RSPO1: variants seen among roughly 807,000 people sequenced by gnomAD.
RSPO1 encodes the protein R-spondin-1.
Under a neutral mutation model 26.0 loss-of-function variants are expected in RSPO1, and 18 were observed. That is an observed-to-expected ratio of 0.69 (90% CI 0.48 to 1.03). The LOEUF (loss-of-function observed/expected upper bound fraction) is 1.03. Among genes scored for constraint, RSPO1 ranks in the 50% least tolerant of loss-of-function variants. The pLI is 0.00. For missense variants in RSPO1, 309 were observed against 352.3 expected (o/e 0.88, Z 0.98); for synonymous variants, 133 against 137.4 (o/e 0.97, Z 0.22).
chr1:37,617,631 C>T (rs1454861102), intron 3 of RSPO1, among the ~76,000 whole-genome samples: 1 of 128,624 alleles, frequency 7.8e-6, no homozygotes, highest in Non-Finnish European at 1.5e-5. Flanking sequence ...CATTGCACTC[C>T]AGCCCGGATG....
Position 37,612,636 on chromosome 1 carries a change from A to G in RSPO1, c.*119T>C, listed in dbSNP as rs781013971. ...GTGTGTGTCTTGTGTCTATGTATGCATGGATGGATTGGAGTGTGTGTGTAT... is the reference window on the plus strand; with the variant it reads ...GTGTGTGTCTTGTGTCTATGTATGCGTGGATGGATTGGAGTGTGTGTGTAT... On this transcript the variant is annotated 3_prime_UTR_variant, in exon 7 of 7. Transcript: ENST00000356545. 1.9e-6 allele frequency: 2 copies of G among 1,044,344 alleles called. No individual in the cohort carries two copies. Among genetic ancestry groups the G allele is most frequent in the Non-Finnish European group, 2.9e-6 (2 of 679,404 alleles). 64.7% of individuals were successfully genotyped at this position (1,044,344 alleles called of 1,614,324 possible).
At chr1:37,614,363 G>A in intron 4 of RSPO1, 30 bp from the exon 5 acceptor site, 1 of 1,612,626 alleles carries the variant, frequency 6.2e-7, no homozygotes, top group Non-Finnish European at 8.5e-7. Context: ...GGGGCTTCTG[G>A]CCCAGCCTGG....
chr1:37,627,203 C>T (rs988547963), intron 3 of RSPO1, among the ~76,000 whole-genome samples: 3 of 152,094 alleles, frequency 2.0e-5, no homozygotes, highest in Admixed American at 6.5e-5. Context: ...AGCACACCTA[C>T]CCCTGCCCCG....
At position 37,611,391 on chromosome 1, in the gene RSPO1, T is replaced by G. The variant is rs1644023279; in HGVS notation, c.*1364A>C. On this transcript the variant is annotated 3_prime_UTR_variant, in exon 7 of 7. Transcript: ENST00000356545. The stretch of plus-strand genomic sequence containing the variant: ...TTATTTTTATTCTGCTTTATTCACT[T>G]TCATAGCTAAGCATAGATGCCAGTG... 1 of 152,212 alleles carries G rather than the reference T, an allele frequency of 6.6e-6. No individual in the cohort carries two copies. The allele number at this position is 152,212 out of a possible 1,614,324, so 9.4% of individuals were successfully genotyped here.
rs1180277839 is a variant in RSPO1, at chr1:37,612,785, C to T, written c.762G>A (p.Val254=). Residue 254 remains valine (V), a synonymous_variant, in exon 7 of 7, where the codon GTG becomes GTA. Transcript: ENST00000356545. ...GQQQQQQQGT[V]GPLTSAGPA is the part of the protein sequence containing the mutation. ...CAGGCCCTGCAGATGTGAGTGGCCC[C>T]ACTGTCCCTTGCTGCTGCTGCTGTT... The T allele has an allele frequency of 1.2e-6, 2 of 1,612,338 alleles. No individual in the cohort carries two copies. The highest frequency in any genetic ancestry group is 1.3e-5 in the African/African-American group (1 of 74,912).
chr1:37,623,196 A>C (rs1046728196), intron 3 of RSPO1, among the ~76,000 whole-genome samples: 6 of 140,402 alleles, frequency 4.3e-5, no homozygotes, highest in African/African-American at 1.6e-4. Flanking sequence ...CAGGAAGCAC[A>C]GGATGTTCTC....
chr1:37,616,048 G>C (rs1483663481), intron 4 of RSPO1, among the ~76,000 whole-genome samples: 1 of 152,212 alleles, frequency 6.6e-6, no homozygotes, highest in African/African-American at 2.4e-5. Flanking sequence ...CTGAAGTGCA[G>C]AAGATGGGTT....
chr1:37,626,710 G>A (rs1227859484), intron 3 of RSPO1, among the ~76,000 whole-genome samples: 1 of 152,126 alleles, frequency 6.6e-6, no homozygotes, highest in Non-Finnish European at 1.5e-5. Context: ...GGCACAAAGG[G>A]GGCTCCTGGC....
rs749601053 is a variant in RSPO1, at chr1:37,617,387, G to A, written c.95-712C>T. Among the ~76,000 whole-genome samples the A allele has an allele frequency of 3.3e-5, 5 of 152,202 alleles. No individual in the cohort carries two copies. In the South Asian group the frequency reaches 8.3e-4, roughly 25 times the overall value. ...AGAACCATCCTTTGAAGTCGGGCGC[G>A]GTGACTCACGCCTGTAATCCCAGCA... is the stretch of plus-strand genomic sequence containing the variant. On this transcript the variant is annotated intron_variant, in intron 3 of 6. Coordinates refer to ENST00000356545, the MANE Select transcript of RSPO1 (RefSeq NM_001242908.2).
At chr1:37,630,056 A>G (rs1644334523) in intron 2 of RSPO1, 107 bp from the exon 3 acceptor site, 6 of 642,602 alleles carry the variant, frequency 9.3e-6, no homozygotes, top group Non-Finnish European at 1.7e-5. Flanking sequence ...TTTGGACATT[A>G]CAAGTTACCT....
rs148277471 is a variant in RSPO1, at chr1:37,614,084, T to C, written c.436+100A>G. On this transcript the variant is annotated intron_variant, in intron 5 of 6. Transcript: ENST00000356545. ...AAGGAGTGGTAGGGTAAGCTCTCCCTGCACAGTGCCCCAGCCCACCCGCTC... is the reference window on the plus strand; with the variant it reads ...AAGGAGTGGTAGGGTAAGCTCTCCCCGCACAGTGCCCCAGCCCACCCGCTC... 8 of 1,433,808 alleles carry C rather than the reference T, an allele frequency of 5.6e-6. No homozygotes were observed. The South Asian group carries it at 9.7e-5, about 17-fold the overall frequency. The allele number at this position is 1,433,808 out of a possible 1,614,324, so 88.8% of individuals were successfully genotyped here.
Position 37,613,003 on chromosome 1 carries a change from G to A in RSPO1, c.626-82C>T, listed in dbSNP as rs1380823335. 12 of 1,508,848 alleles carry A rather than the reference G, an allele frequency of 8.0e-6. No individual in the cohort carries two copies. Among genetic ancestry groups the A allele is most frequent in the Non-Finnish European group, 1.1e-5 (12 of 1,093,830 alleles). The allele number at this position is 1,508,848 out of a possible 1,614,324, so 93.5% of individuals were successfully genotyped here. A position where few individuals can be genotyped will look rare whatever the true frequency, so the allele number is the denominator to read the frequency against. Reference sequence around the variant, plus strand: ...CATGGCCACAGGCCCTAGGAGGGGAGTGTGAGGAAGCCGGAAGGGGAGGCA... The same window carrying A: ...CATGGCCACAGGCCCTAGGAGGGGAATGTGAGGAAGCCGGAAGGGGAGGCA... On this transcript the variant is annotated intron_variant, in intron 6 of 6. Transcript: ENST00000356545. This position sits in a 1 kb window ranked among gnomAD's most constrained non-coding sequence, Gnocchi z 4.5.
chr1:37,621,036 C>T (rs571921782), intron 3 of RSPO1, among the ~76,000 whole-genome samples: 3 of 152,270 alleles, frequency 2.0e-5, no homozygotes, highest in South Asian at 2.1e-4. Context: ...TTGCAAAAGG[C>T]GCCCTTTCAG....
rs923970881 is a variant in RSPO1 at position 37,613,834 on chromosome 1, G to C, written c.495C>G (p.Leu165=). The change falls in exon 6 of 7, where the codon CTC becomes CTG. Residue 165 remains leucine, a synonymous_variant. Transcript: ENST00000356545. This position sits in a 1 kb window ranked among gnomAD's most constrained non-coding sequence, Gnocchi z 4.5. ...CCTCGGAGCCCCTCCGGAAACCACA[G>C]AGCTGCTGCTTCTTGGAGCAGGGCC... ...PWGPCSKKQQ[L]CGFRRGSEER... is the part of the protein sequence containing the mutation. 6.2e-7 allele frequency: 1 copy of C among 1,614,122 alleles called. No individual in the cohort carries two copies. The highest frequency in any genetic ancestry group is 8.5e-7 in the Non-Finnish European group (1 of 1,180,018).
At position 37,613,942 on chromosome 1, in the gene RSPO1, T is replaced by C. The variant is rs779032596; in HGVS notation, c.437-50A>G. The C allele has an allele frequency of 1.3e-5, 20 of 1,568,136 alleles. No individual in the cohort carries two copies. The highest frequency in any genetic ancestry group is 1.7e-5 in the Non-Finnish European group (19 of 1,138,694). On this transcript the variant is annotated intron_variant, in intron 5 of 6. Coordinates refer to ENST00000356545, the MANE Select transcript of RSPO1 (RefSeq NM_001242908.2). The surrounding 1 kb of genome is among the most constrained non-coding windows in gnomAD (Gnocchi z 4.5). ...GAGAAGGACAAGGAGGAGGGGATCA[T>C]GTCTCCTCCTCTGGCCCAGAATAGC...
In RSPO1 at chr1:37,616,670, C is replaced by T; in HGVS notation, c.100G>A (p.Ala34Thr). The change falls in exon 4 of 7, where the codon GCC becomes ACC. Residue 34 changes from alanine to threonine, a missense_variant. Transcript: ENST00000356545. Reference sequence around the variant, plus strand: ...TTGGCACAGGCCTGGCTCCCCTCGGCACTGACTGCAAAGGTGGAGCAGGCA... The same window carrying T: ...TTGGCACAGGCCTGGCTCCCCTCGGTACTGACTGCAAAGGTGGAGCAGGCA... ...IKGKRQRRISAEGSQACAKGC... is the reference protein window; with the variant it reads ...IKGKRQRRISTEGSQACAKGC... 1 of 1,613,962 alleles carries T rather than the reference C, an allele frequency of 6.2e-7. No individual in the cohort carries two copies. Among genetic ancestry groups the T allele is most frequent in the South Asian group, 1.1e-5 (1 of 91,090 alleles).
chr1:37,614,156 T>G, intron 5 of RSPO1, 28 bp downstream of exon 5: 1 of 1,610,662 alleles, frequency 6.2e-7, no homozygotes, highest in Non-Finnish European at 8.5e-7. Flanking sequence ...TCCTGGACCC[T>G]CTGCCCACAG....
rs372057847 is a variant in RSPO1, at chr1:37,612,891, C to T, written c.656G>A (p.Arg219Gln). 116 of 1,613,986 alleles carry T rather than the reference C, an allele frequency of 7.2e-5. No homozygotes were observed. The Middle Eastern group carries it at 1.3e-3, about 18-fold the overall frequency. The change falls in exon 7 of 7, where the codon CGG becomes CAG. Residue 219 changes from arginine (R) to glutamine (Q), a missense_variant. Transcript: ENST00000356545. ...CAGGTTCCTGTTGGCATTCTCCCGC[C>T]GGCCCTGGCCTCCCTTCCTCCTCTT... ...GQKRRKGGQG[R>Q]RENANRNLAR...
intron 3 of RSPO1, among the ~76,000 whole-genome samples, chr1:37,628,301 A>G (rs1451682905): frequency 1.3e-5 from 2 of 152,214 alleles, no homozygotes; most frequent in Non-Finnish European, 2.9e-5. Context: ...AGGGAGGAAA[A>G]TCAAGGCCTT....
Sources: allele counts gnomAD v4.1 joint callset (sites outside exome capture counted in the v4.1 genomes callset), GRCh38; gene constraint gnomAD v4.1.1; non-coding constraint Gnocchi (gnomAD v3.1); transcripts MANE v1.5; gene names NCBI Gene and HGNC (gene_info 2026-07-23, HGNC 2026-07-21).